PDIA6: variants seen among roughly 807,000 people sequenced by gnomAD.
PDIA6 encodes protein disulfide isomerase family A member 6, also known as protein disulfide-isomerase A6.
A neutral mutation model predicts 58.4 loss-of-function variants in PDIA6; 29 were observed. The observed-to-expected ratio is 0.50, with a 90% CI of 0.37 to 0.68. The LOEUF (loss-of-function observed/expected upper bound fraction) is 0.68, where lower values mean the gene tolerates loss of function less well. Among genes scored for constraint, PDIA6 ranks in the 30% least tolerant of loss-of-function variants. PDIA6 has a pLI of 0.00. For missense variants in PDIA6, 480 were observed against 551.0 expected, an observed-to-expected ratio of 0.87 and a Z score of 1.29; for synonymous variants, 192 against 202.6, an observed-to-expected ratio of 0.95 and a Z score of 0.44.
At chr2:10,836,775 G>A (rs28667068), upstream of PDIA6, among the ~76,000 whole-genome samples, 14,094 of 151,724 alleles carry the variant, frequency 0.093, 1,152 homozygotes, top group African/African-American at 0.23. Context: ...TTTCATTGCC[G>A]CTTGTGTTCT....
At chr2:10,801,028 C>T (rs558139482) in intron 2 of PDIA6, among the ~76,000 whole-genome samples, 55 of 152,268 alleles carry the variant, frequency 3.6e-4, no homozygotes, top group African/African-American at 1.2e-3. Flanking sequence ...GCTGTAATCC[C>T]AGCACTTTGC....
chr2:10,793,110 T>G lies in PDIA6; in HGVS notation c.439A>C (p.Ser147Arg). 6.2e-7 allele frequency: 1 copy of G among 1,612,296 alleles called. No individual in the cohort carries two copies. The highest frequency in any genetic ancestry group is 8.5e-7 in the Non-Finnish European group (1 of 1,178,268). Reference protein sequence around the residue: ...DRLGGRSGGYSSGKQGRSDSS... With the variant: ...DRLGGRSGGYRSGKQGRSDSS... ...TATGGTCTTACTTGTTTTCCAGAACTGTATCCTCCGCTCCGTCCCCCGAGG... is the reference window on the plus strand; with the variant it reads ...TATGGTCTTACTTGTTTTCCAGAACGGTATCCTCCGCTCCGTCCCCCGAGG... The change falls in exon 5 of 13, where the codon AGT (serine) becomes CGT (arginine). Residue 147 changes from serine (S) to arginine (R), a missense_variant. Transcript: ENST00000272227.
chr2:10,793,819 A>G (rs1474727157), intron 4 of PDIA6, among the ~76,000 whole-genome samples: 1 of 152,236 alleles, frequency 6.6e-6, no homozygotes, highest in East Asian at 1.9e-4. Flanking sequence ...TTTCCCAAAT[A>G]AAAAAGGAAC....
intron 1 of PDIA6, chr2:10,821,526 A>G (rs1667393353): frequency 6.6e-6 from 1 of 152,246 alleles, no homozygotes; most frequent in African/African-American, 2.4e-5. Context: ...ACATCTAGAA[A>G]GAGGAAGCAT....
At chr2:10,814,682 C>T (rs1318733304), upstream of PDIA6, among the ~76,000 whole-genome samples, 1 of 152,200 alleles carries the variant, frequency 6.6e-6, no homozygotes, top group African/African-American at 2.4e-5. Flanking sequence ...GAATTTAATT[C>T]TCTTACCAGA....
chr2:10,833,215 C>T (rs1040233289), upstream of PDIA6, among the ~76,000 whole-genome samples: 3 of 152,166 alleles, frequency 2.0e-5, no homozygotes, highest in Non-Finnish European at 2.9e-5. Flanking sequence ...TCTGTGTGGC[C>T]TCTAGTCTCA....
intron 2 of PDIA6, among the ~76,000 whole-genome samples, chr2:10,818,649 T>C (rs1443918309): frequency 1.3e-5 from 2 of 151,884 alleles, no homozygotes; most frequent in African/African-American, 2.4e-5. Flanking sequence ...GCCTCTTGAG[T>C]AGCTGGGATT....
At chr2:10,818,160 C>G (rs1667258364) in intron 2 of PDIA6, among the ~76,000 whole-genome samples, 1 of 151,490 alleles carries the variant, frequency 6.6e-6, no homozygotes, top group African/African-American at 2.4e-5. Flanking sequence ...AAATTTACCA[C>G]TTTAACTTTT....
At position 10,791,822 on chromosome 2, in the gene PDIA6, T is replaced by C. The variant is rs373388851; in HGVS notation, c.557A>G (p.Tyr186Cys). 13 of 1,613,974 alleles carry C rather than the reference T, an allele frequency of 8.1e-6. No homozygotes were observed. The highest frequency in any genetic ancestry group is 2.7e-5 in the African/African-American group (2 of 74,922). ...TTTGCAGTGTCCACACCAAGGAGCA[T>C]AGAACTCAACCATCCAAACATCTTC... ...DSEDVWMVEF[Y>C]APWCGHCKNL... Residue 186 changes from tyrosine to cysteine, a missense_variant, in exon 6 of 13, where the codon TAT (tyrosine) becomes TGT (cysteine). Physicochemically the swap from Tyr to Cys is radical, Grantham distance 194 (BLOSUM62 -2). Coordinates refer to ENST00000272227, the MANE Select transcript of PDIA6 (RefSeq NM_005742.4).
intron 1 of PDIA6, among the ~76,000 whole-genome samples, chr2:10,830,088 C>G (rs1016952888): frequency 3.9e-5 from 6 of 152,152 alleles, no homozygotes; most frequent in Non-Finnish European, 7.4e-5. Flanking sequence ...TAGGAAGCTT[C>G]CTCACCCCAG....
rs1666299302 is a variant in PDIA6 at position 10,797,148 on chromosome 2, A to G, written c.279T>C (p.Tyr93=). 9 of 1,612,190 alleles carry G rather than the reference A, an allele frequency of 5.6e-6. No individual in the cohort carries two copies. Among genetic ancestry groups the G allele is most frequent in the Non-Finnish European group, 7.6e-6 (9 of 1,178,276 alleles). ...ADKHHSLGGQ[Y]GVQGFPTIKI... Reference sequence around the variant, plus strand: ...TAATGGTAGGAAATCCCTGAACACCATACTGACCTCCTAGGGAATGATGCT... The same window carrying G: ...TAATGGTAGGAAATCCCTGAACACCGTACTGACCTCCTAGGGAATGATGCT... The change falls in exon 4 of 13, where the codon TAT becomes TAC. Residue 93 remains tyrosine, a synonymous_variant. Transcript: ENST00000272227.
At chr2:10,828,181 T>C (rs1419271692) in intron 1 of PDIA6, among the ~76,000 whole-genome samples, 1 of 152,226 alleles carries the variant, frequency 6.6e-6, no homozygotes, top group East Asian at 1.9e-4. Context: ...TCTGGACAGA[T>C]GGAGATGACA....
intron 10 of PDIA6, among the ~76,000 whole-genome samples, 179 bp downstream of exon 10, chr2:10,788,518 T>G (rs1572650989): frequency 7.1e-6 from 1 of 141,740 alleles, no homozygotes. Flanking sequence ...TAGCTGGGTG[T>G]GGTGGCGGGC....
upstream of PDIA6, among the ~76,000 whole-genome samples, chr2:10,814,488 C>G (rs116482665): frequency 2.9e-3 from 446 of 152,334 alleles, 4 homozygotes; most frequent in African/African-American, 9.8e-3. Context: ...CCTGTTCCTC[C>G]AGGCCTGTCT....
intron 6 of PDIA6, 148 bp downstream of exon 6, chr2:10,791,647 G>A: frequency 2.9e-6 from 2 of 689,238 alleles, no homozygotes; most frequent in Non-Finnish European, 4.7e-6. Context: ...TGGCGCTAAT[G>A]TCAATGTTTA....
intron 10 of PDIA6, among the ~76,000 whole-genome samples, chr2:10,787,739 C>T (rs1228887234): frequency 6.6e-6 from 1 of 152,064 alleles, no homozygotes; most frequent in Non-Finnish European, 1.5e-5. Context: ...CTGGGGAAAG[C>T]AATGGATACT....
At chr2:10,803,510 T>TATCAACATC (rs1666601161) in intron 1 of PDIA6, among the ~76,000 whole-genome samples, 1 of 152,042 alleles carries the variant, frequency 6.6e-6, no homozygotes, top group South Asian at 2.1e-4. Flanking sequence ...CATAACACAT[T>TATCAACATC]ATCAGAAACA....
chr2:10,800,446 C>T, intron 2 of PDIA6, among the ~76,000 whole-genome samples: 1 of 152,150 alleles, frequency 6.6e-6, no homozygotes, highest in Non-Finnish European at 1.5e-5. Context: ...AAGAGATGTT[C>T]AACCTGTACT....
intron 1 of PDIA6, among the ~76,000 whole-genome samples, chr2:10,827,251 C>T (rs753386868): frequency 4.6e-5 from 7 of 151,896 alleles, no homozygotes; most frequent in African/African-American, 9.7e-5. Context: ...TCAGTAGAGA[C>T]GGGGTTTCAC....
Sources: allele counts gnomAD v4.1 joint callset (sites outside exome capture counted in the v4.1 genomes callset), GRCh38; gene constraint gnomAD v4.1.1; transcripts MANE v1.5; gene names NCBI Gene and HGNC (gene_info 2026-07-23, HGNC 2026-07-21).